CERT1: variants seen among roughly 807,000 people sequenced by gnomAD.
CERT1 encodes the protein ceramide transfer protein.
A neutral mutation model predicts 87.9 loss-of-function variants in CERT1; 31 were observed. The ratio of observed to expected loss-of-function variants is 0.35; its 90% CI spans 0.27 to 0.48. The LOEUF is 0.48. CERT1 is among the 20% of genes least tolerant of loss of function. CERT1 has a pLI of 0.99. For synonymous variants in CERT1, 289 were observed against 250.9 expected (o/e 1.15, Z -1.44); for missense variants, 487 against 758.0 (o/e 0.64, Z 4.20).
chr5:75,456,209 C>T (rs1291565205), intron 3 of CERT1, among the ~76,000 whole-genome samples: 1 of 152,080 alleles, frequency 6.6e-6, no homozygotes, highest in Non-Finnish European at 1.5e-5. Flanking sequence ...TTAAATAACT[C>T]AACAATTTAC....
At chr5:75,386,059 T>G in intron 12 of CERT1, 25 bp from the exon 13 acceptor site, 2 of 1,432,778 alleles carry the variant, frequency 1.4e-6, no homozygotes, top group Non-Finnish European at 1.8e-6. Context: ...ATTCCAAAAC[T>G]GTTTGAAAAT....
intron 7 of CERT1, 137 bp downstream of exon 7, chr5:75,416,739 G>A (rs1763148025): frequency 1.4e-5 from 9 of 629,654 alleles, no homozygotes; most frequent in Non-Finnish European, 2.1e-5. Context: ...TGCCCATAAA[G>A]CTTCAGAGTA....
chr5:75,399,192 C>T (rs1762373028), intron 11 of CERT1, 118 bp downstream of exon 11: 1 of 721,722 alleles, frequency 1.4e-6, no homozygotes, highest in African/African-American at 1.8e-5. Flanking sequence ...CTTAATGTTA[C>T]TATTTAAAAT....
chr5:75,440,603 T>C (rs1424317939), intron 3 of CERT1, among the ~76,000 whole-genome samples: 1 of 152,132 alleles, frequency 6.6e-6, no homozygotes, highest in Non-Finnish European at 1.5e-5. Context: ...AATATCTGAA[T>C]AGGCAAAATG....
intron 12 of CERT1, among the ~76,000 whole-genome samples, chr5:75,387,415 A>C (rs1761836824): frequency 6.6e-6 from 1 of 151,950 alleles, no homozygotes; most frequent in Non-Finnish European, 1.5e-5. Flanking sequence ...CTTGTTCTCC[A>C]GTTTCTTCCC....
chr5:75,385,972 T>G lies in CERT1; in HGVS notation c.1347A>C (p.Ala449=). 1 of 1,598,366 alleles carries G rather than the reference T, an allele frequency of 6.3e-7. No homozygotes were observed. The highest frequency in any genetic ancestry group is 8.5e-7 in the Non-Finnish European group (1 of 1,171,942). Residue 449 remains alanine, a synonymous_variant, in exon 13 of 17, where the codon GCA becomes GCC. Coordinates refer to ENST00000643780, the MANE Select transcript of CERT1 (RefSeq NM_001379029.1). Reference sequence around the variant, plus strand: ...CTTCATGTCCTGTGACGCCTTTAACTGCATGGGTAGCTTTTAAAGGATCCA... The same window carrying G: ...CTTCATGTCCTGTGACGCCTTTAACGGCATGGGTAGCTTTTAAAGGATCCA... ...IVLDPLKATH[A]VKGVTGHEVC...
At chr5:75,493,921 C>G (rs1766931040) in intron 2 of CERT1, among the ~76,000 whole-genome samples, 1 of 152,076 alleles carries the variant, frequency 6.6e-6, no homozygotes, top group African/African-American at 2.4e-5. Context: ...TAATTTCTTT[C>G]CTCACTGCTA....
At chr5:75,431,195 T>G (rs1763850594) in intron 3 of CERT1, among the ~76,000 whole-genome samples, 1 of 152,222 alleles carries the variant, frequency 6.6e-6, no homozygotes, top group Non-Finnish European at 1.5e-5. Context: ...GGTATTTTTT[T>G]GTCCCTAGCC....
chr5:75,413,806 C>G (rs1380534405), intron 7 of CERT1, among the ~76,000 whole-genome samples: 2 of 152,148 alleles, frequency 1.3e-5, no homozygotes, highest in East Asian at 3.8e-4. Context: ...TTGGAATCCT[C>G]ACCCATTGCT....
At chr5:75,511,912 C>G, upstream of CERT1, 4 of 1,281,056 alleles carry the variant, frequency 3.1e-6, no homozygotes, top group Non-Finnish European at 4.3e-6. Context: ...CCTGAGGTAA[C>G]GGGTGAGTAT....
chr5:75,387,897 G>A (rs1761864754), intron 12 of CERT1, among the ~76,000 whole-genome samples: 1 of 152,188 alleles, frequency 6.6e-6, no homozygotes, highest in Non-Finnish European at 1.5e-5. Context: ...GGCTGTAGGA[G>A]TAGTTATTTT....
At chr5:75,461,769 A>G (rs1765241869) in intron 2 of CERT1, among the ~76,000 whole-genome samples, 3 of 150,112 alleles carry the variant, frequency 2.0e-5, no homozygotes, top group Admixed American at 1.3e-4. Context: ...ATGAATTGTA[A>G]GTGGTATAGA....
intron 2 of CERT1, among the ~76,000 whole-genome samples, chr5:75,460,365 A>G (rs1337786051): frequency 6.6e-6 from 1 of 152,190 alleles, no homozygotes; most frequent in African/African-American, 2.4e-5. Flanking sequence ...GCTAAAGGAA[A>G]AAAATAAAAT....
At chr5:75,489,258 CA>C (rs779409686) in intron 2 of CERT1, among the ~76,000 whole-genome samples, 4 of 152,036 alleles carry the variant, frequency 2.6e-5, no homozygotes, top group Non-Finnish European at 4.4e-5. Context: ...AAGATGGATT[CA>C]AGATTTAAAT....
At chr5:75,380,886 C>T (rs1261868448) in intron 16 of CERT1, among the ~76,000 whole-genome samples, 186 bp downstream of exon 16, 3 of 151,668 alleles carry the variant, frequency 2.0e-5, no homozygotes, top group African/African-American at 7.3e-5. Flanking sequence ...AGTAGTAGTT[C>T]CAGGGTGAAA....
intron 4 of CERT1, 66 bp downstream of exon 4, chr5:75,426,305 G>T: frequency 2.7e-6 from 3 of 1,127,490 alleles, no homozygotes; most frequent in Non-Finnish European, 4.0e-6. Context: ...CATATGTTCT[G>T]TTCACAACAT....
chr5:75,438,275 C>G (rs566984779), intron 3 of CERT1, among the ~76,000 whole-genome samples: 1 of 152,102 alleles, frequency 6.6e-6, no homozygotes, highest in African/African-American at 2.4e-5. Flanking sequence ...GAAAAGTTAT[C>G]AAACTGTTCT....
chr5:75,496,329 T>C (rs562799860), intron 2 of CERT1, among the ~76,000 whole-genome samples: 1 of 150,592 alleles, frequency 6.6e-6, no homozygotes, highest in South Asian at 2.1e-4. Context: ...TACCAAATGC[T>C]GACAAAAATG....
At chr5:75,412,302 T>A (rs532521621) in intron 7 of CERT1, among the ~76,000 whole-genome samples, 1 of 152,240 alleles carries the variant, frequency 6.6e-6, no homozygotes, top group Admixed American at 6.5e-5. Context: ...ATAATCTTGC[T>A]GAATTAAGAA....
Sources: allele counts gnomAD v4.1 joint callset (sites outside exome capture counted in the v4.1 genomes callset), GRCh38; gene constraint gnomAD v4.1.1; transcripts MANE v1.5; gene names NCBI Gene and HGNC (gene_info 2026-07-23, HGNC 2026-07-21).